Variants in PTPN4 observed in about 807,000 individuals in gnomAD.
PTPN4 encodes tyrosine-protein phosphatase non-receptor type 4.
Under a neutral mutation model 135.5 loss-of-function variants are expected in PTPN4, and 49 were observed. The ratio of observed to expected loss-of-function variants is 0.36; its 90% CI spans 0.29 to 0.46. PTPN4 has a LOEUF of 0.46. PTPN4 is among the 20% of genes least tolerant of loss of function. The pLI, the probability that PTPN4 is intolerant of heterozygous loss-of-function variation, is 1.00. For missense variants in PTPN4, 860 were observed against 1,101.0 expected, an observed-to-expected ratio of 0.78 and a Z score of 3.10; for synonymous variants, 333 against 369.9, an observed-to-expected ratio of 0.90 and a Z score of 1.14.
At chr2:119,856,470 A>T (rs980816878) in intron 2 of PTPN4, among the ~76,000 whole-genome samples, 1 of 152,204 alleles carries the variant, frequency 6.6e-6, no homozygotes, top group African/African-American at 2.4e-5. Flanking sequence ...CCCAGTTAAA[A>T]GTGCCCCCAT....
rs756466453 is a variant in PTPN4 at position 119,977,065 on chromosome 2, A to T, written c.2776A>T (p.Lys926Ter). ...FVKPLTTSTNK is the reference protein window; with the variant it reads ...FVKPLTTSTN ...TAAACCCTTAACAACATCAACAAAT[A>T]AATAAGAAAGCAAAAAGATCTGGGA... is the stretch of plus-strand genomic sequence containing the variant. The change falls in exon 27 of 27, where the codon AAA (lysine) becomes TAA (stop). Residue 926 changes from lysine (K) to a stop codon, truncating the protein, a stop_gained. Transcript: ENST00000263708. LOFTEE classifies it high-confidence loss of function. 10 of 1,595,746 alleles carry T rather than the reference A, an allele frequency of 6.3e-6. No homozygotes were observed. The highest frequency in any genetic ancestry group is 8.5e-6 in the Non-Finnish European group (10 of 1,174,938).
At position 119,784,178 on chromosome 2, in the gene PTPN4, C is replaced by T. The variant is rs560828564; in HGVS notation, c.-18+23794C>T. On this transcript the variant is annotated intron_variant, in intron 1 of 26. Coordinates refer to ENST00000263708, the MANE Select transcript of PTPN4 (RefSeq NM_002830.4). ...TAGTCTTAGAAGTCATATAGCATCA[C>T]ATCTACTGTACTCTGTTGGTCAAAG... Among the ~76,000 whole-genome samples the T allele has an allele frequency of 6.6e-5, 10 of 152,048 alleles. No individual in the cohort carries two copies. The South Asian group carries it at 2.1e-3, about 32-fold the overall frequency.
At chr2:119,931,433 C>CTTTTTTTTTTTTTTTTT (rs1158907026) in intron 13 of PTPN4, among the ~76,000 whole-genome samples, 6 of 83,354 alleles carry the variant, frequency 7.2e-5, no homozygotes, top group African/African-American at 9.9e-5. Context: ...TTCTTTCTTT[C>CTTTTTTTTTTTTTTTTT]TTTTTTTTTT....
At chr2:119,817,756 A>G (rs530383960) in intron 2 of PTPN4, among the ~76,000 whole-genome samples, 40 of 152,208 alleles carry the variant, frequency 2.6e-4, no homozygotes, top group Non-Finnish European at 5.4e-4. Flanking sequence ...TGCTCTGGGT[A>G]GTATGACCAT....
chr2:119,951,247 C>T (rs1325087234), intron 18 of PTPN4, among the ~76,000 whole-genome samples: 2 of 152,154 alleles, frequency 1.3e-5, no homozygotes, highest in Non-Finnish European at 2.9e-5. Context: ...GGCTGCATAT[C>T]TAGAGTCTCT....
chr2:119,800,597 T>C (rs746700285), intron 1 of PTPN4, among the ~76,000 whole-genome samples: 13 of 152,082 alleles, frequency 8.5e-5, no homozygotes, highest in Non-Finnish European at 1.6e-4. Context: ...TGTTGTTGTT[T>C]TTATGAATCA....
In PTPN4 at chr2:119,927,840, C is replaced by A. The variant is rs79092167; in HGVS notation, c.1070+1174C>A. 3.6e-4 allele frequency among the ~76,000 whole-genome samples: 55 copies of A among 152,266 alleles called. No homozygotes were observed. In the East Asian group the frequency reaches 8.1e-3, roughly 22 times the overall value. On this transcript the variant is annotated intron_variant, in intron 13 of 26. Transcript: ENST00000263708. Reference sequence around the variant, plus strand: ...TTAAATTTTGTTCTTAAGTCTTTATCTAAGAGACCTTCCTTCTTTGTGTTT... The same window carrying A: ...TTAAATTTTGTTCTTAAGTCTTTATATAAGAGACCTTCCTTCTTTGTGTTT...
chr2:119,814,438 A>G (rs1676957442), intron 2 of PTPN4, among the ~76,000 whole-genome samples: 1 of 152,136 alleles, frequency 6.6e-6, no homozygotes, highest in Admixed American at 6.5e-5. Context: ...GAGAGAAGTC[A>G]TGTAGGGGCT....
chr2:119,969,552 C>CTTTTTTTTTTTTTTTT (rs35531556), intron 26 of PTPN4, among the ~76,000 whole-genome samples: 1 of 113,862 alleles, frequency 8.8e-6, no homozygotes, highest in African/African-American at 3.5e-5. Flanking sequence ...TAATCAATTT[C>CTTTTTTTTTTTTTTTT]TTTTTTTTTT....
Position 119,877,302 on chromosome 2 carries a change from TTTTA to T in PTPN4, c.247-9_247-6del, listed in dbSNP as rs769675777. ...GTTCCTCAAGGAAAAAAGAAATCAG[TTTTA>T]TTTATTTATTTTTCAGAGGTGGCTG... On this transcript the variant is annotated splice_polypyrimidine_tract_variant and intron_variant, in intron 3 of 26. Transcript: ENST00000263708. The T allele has an allele frequency of 4.4e-6, 7 of 1,603,936 alleles. No homozygotes were observed. In the South Asian group the frequency reaches 4.5e-5, roughly 10 times the overall value.
chr2:119,769,436 G>T (rs878974460), intron 1 of PTPN4, among the ~76,000 whole-genome samples: 1 of 152,208 alleles, frequency 6.6e-6, no homozygotes, highest in Admixed American at 6.5e-5. Flanking sequence ...ATTCTTAAAA[G>T]GGGGAGTGGG....
At chr2:119,893,672 A>G (rs1277090790) in intron 9 of PTPN4, among the ~76,000 whole-genome samples, 29 of 152,224 alleles carry the variant, frequency 1.9e-4, no homozygotes, top group Admixed American at 1.8e-3. Context: ...GAACCAGGAA[A>G]GAGAACCAAG....
chr2:119,973,655 G>GTTTTTTTTTTTTTTTTTTT lies in PTPN4; in HGVS notation c.2695-3320_2695-3302dup, dbSNP rs70949378. Among the ~76,000 whole-genome samples, 16 of 38,392 alleles carry GTTTTTTTTTTTTTTTTTTT rather than the reference G, an allele frequency of 4.2e-4. 2 individuals carry two copies. The highest frequency in any genetic ancestry group is 1.1e-3 in the African/African-American group (9 of 7,952). 25.2% of individuals were successfully genotyped at this position (38,392 alleles called of 152,430 possible). ...TTGAAAGCTTCCTCCTTCATTTCTTGTTTTTTTTTTTTTTTTTTTTTTTTT... is the reference window on the plus strand; with the variant it reads ...TTGAAAGCTTCCTCCTTCATTTCTTGTTTTTTTTTTTTTTTTTTTTTTTTTTTTTTTTTTTTTTTTTTTT... On this transcript the variant is annotated intron_variant, in intron 26 of 26. Transcript: ENST00000263708.
chr2:119,945,488 A>C (rs1437626730), intron 16 of PTPN4, among the ~76,000 whole-genome samples: 1 of 152,152 alleles, frequency 6.6e-6, no homozygotes, highest in Non-Finnish European at 1.5e-5. Context: ...TTCCTATAAG[A>C]GATCATCTCT....
intron 2 of PTPN4, among the ~76,000 whole-genome samples, chr2:119,813,540 C>A (rs1360491613): frequency 6.6e-6 from 1 of 151,640 alleles, no homozygotes; most frequent in Non-Finnish European, 1.5e-5. Flanking sequence ...AGCCACTGTG[C>A]CCGGTCACAG....
chr2:119,839,140 A>G (rs1011806587), intron 2 of PTPN4, among the ~76,000 whole-genome samples: 10 of 152,114 alleles, frequency 6.6e-5, no homozygotes, highest in Admixed American at 5.2e-4. Flanking sequence ...TGGCTTTCTT[A>G]TCATAATTAA....
At chr2:119,791,924 T>C (rs1691156645) in intron 1 of PTPN4, among the ~76,000 whole-genome samples, 1 of 152,206 alleles carries the variant, frequency 6.6e-6, no homozygotes, top group Non-Finnish European at 1.5e-5. Context: ...ATTGTGACTG[T>C]ATTGGTATGC....
intron 1 of PTPN4, among the ~76,000 whole-genome samples, chr2:119,760,851 T>C (rs1175320198): frequency 7.2e-6 from 1 of 139,196 alleles, no homozygotes; most frequent in Admixed American, 7.5e-5. Context: ...ATACCTGTAT[T>C]TGGGAATCTG....
At position 119,950,413 on chromosome 2, in the gene PTPN4, T is replaced by A. The variant is rs529611327; in HGVS notation, c.1657-1560T>A. Among the ~76,000 whole-genome samples, 3 of 152,358 alleles carry A rather than the reference T, an allele frequency of 2.0e-5. No individual in the cohort carries two copies. The South Asian group carries it at 6.2e-4, about 32-fold the overall frequency. ...CGTTCCAGATTTTAAAGCTTTGGGTTGAATTATCTCATCTTCACAACAACT... is the reference window on the plus strand; with the variant it reads ...CGTTCCAGATTTTAAAGCTTTGGGTAGAATTATCTCATCTTCACAACAACT... On this transcript the variant is annotated intron_variant, in intron 18 of 26. Coordinates refer to ENST00000263708, the MANE Select transcript of PTPN4 (RefSeq NM_002830.4).
Sources: gnomAD v4.1 joint callset for allele counts (sites outside exome capture counted in the v4.1 genomes callset) on GRCh38, gnomAD v4.1.1 for gene constraint, MANE v1.5 for transcripts, NCBI Gene and HGNC (gene_info 2026-07-23, HGNC 2026-07-21) for gene names.